The following KAZN variants were observed in gnomAD, a reference collection of about 807,000 sequenced individuals.
The protein encoded by KAZN is kazrin, periplakin interacting protein, also known as kazrin.
Under a neutral mutation model 87.4 loss-of-function variants are expected in KAZN, and 40 were observed. The observed-to-expected ratio is 0.46, with a 90% CI of 0.36 to 0.60. The LOEUF (loss-of-function observed/expected upper bound fraction) is 0.60. Among genes scored for constraint, KAZN ranks in the 20% least tolerant of loss-of-function variants. The pLI, the probability that KAZN is intolerant of heterozygous loss-of-function variation, is 0.00. For synonymous variants in KAZN, 466 were observed against 458.3 expected (o/e 1.02, Z -0.22); for missense variants, 898 against 1,073.9 (o/e 0.84, Z 2.29).
chr1:14,266,760 T>G (rs553601588), intron 2 of KAZN, among the ~76,000 whole-genome samples: 1 of 152,254 alleles, frequency 6.6e-6, no homozygotes, highest in East Asian at 1.9e-4. Context: ...TCACCTAACA[T>G]GCACATCTTT....
intron 2 of KAZN, among the ~76,000 whole-genome samples, chr1:14,303,537 C>T (rs1832533): frequency 0.17 from 25,892 of 152,178 alleles, 2,962 homozygotes; most frequent in Admixed American, 0.36. Flanking sequence ...GCCACTGCGC[C>T]CAGACGGGAA....
intron 2 of KAZN, among the ~76,000 whole-genome samples, chr1:14,461,480 G>A (rs897845434): frequency 6.6e-6 from 1 of 152,156 alleles, no homozygotes; most frequent in African/African-American, 2.4e-5. Flanking sequence ...TGATTGTGAA[G>A]CCTCCCCAGC....
At chr1:15,034,965 C>A in intron 3 of KAZN, 80 bp downstream of exon 3, 1 of 1,540,618 alleles carries the variant, frequency 6.5e-7, no homozygotes, top group Non-Finnish European at 8.9e-7. Flanking sequence ...CCTTCACAGG[C>A]TCTGCCTCTT....
At chr1:14,934,183 A>G (rs1660178359) in intron 1 of KAZN, among the ~76,000 whole-genome samples, 1 of 140,740 alleles carries the variant, frequency 7.1e-6, no homozygotes, top group Non-Finnish European at 1.5e-5. Context: ...AAGAGAAATG[A>G]TTGGGGTTTT....
intron 2 of KAZN, among the ~76,000 whole-genome samples, chr1:14,239,830 G>C (rs931141291): frequency 1.3e-4 from 19 of 151,936 alleles, no homozygotes; most frequent in Non-Finnish European, 2.9e-5. Context: ...AGACATTTTT[G>C]GTTGCCACAA....
chr1:14,337,682 T>C (rs1242365578), intron 2 of KAZN, among the ~76,000 whole-genome samples: 1 of 152,072 alleles, frequency 6.6e-6, no homozygotes, highest in Admixed American at 6.5e-5. Context: ...TCACCTGAGG[T>C]CAGGAGTTCG....
intron 1 of KAZN, among the ~76,000 whole-genome samples, chr1:14,633,186 G>A (rs541278957): frequency 6.6e-6 from 1 of 152,156 alleles, no homozygotes; most frequent in African/African-American, 2.4e-5. Context: ...CATAGTGCTG[G>A]GATTACAGGT....
intron 2 of KAZN, among the ~76,000 whole-genome samples, chr1:14,512,661 C>T (rs1293328497): frequency 1.3e-5 from 2 of 152,218 alleles, no homozygotes; most frequent in Non-Finnish European, 2.9e-5. Context: ...ACACAGTTCG[C>T]CGGGGTCACT....
At chr1:14,385,662 A>C (rs147176478) in intron 2 of KAZN, among the ~76,000 whole-genome samples, 7,276 of 151,988 alleles carry the variant, frequency 0.048, 290 homozygotes, top group Admixed American at 0.14. Context: ...GTTTGATTGC[A>C]CTGTGGTCTG....
chr1:14,164,454 TTGTG>T (rs59816103), intron 1 of KAZN, among the ~76,000 whole-genome samples: 35 of 144,728 alleles, frequency 2.4e-4, no homozygotes, highest in East Asian at 8.1e-4. Flanking sequence ...CACTATGGCT[TTGTG>T]TGTGTGTGTG....
At chr1:14,234,642 G>A (rs890909566) in intron 2 of KAZN, among the ~76,000 whole-genome samples, 1 of 152,148 alleles carries the variant, frequency 6.6e-6, no homozygotes, top group Non-Finnish European at 1.5e-5. Flanking sequence ...TGCAAGGTGT[G>A]GGGGTGGTGG....
Position 14,096,515 on chromosome 1 carries a change from G to T in KAZN, c.92-83920G>T, listed in dbSNP as rs1035597496. On this transcript the variant is annotated intron_variant, in intron 1 of 16. Coordinates refer to the KAZN transcript ENST00000636203. The stretch of plus-strand genomic sequence containing the variant: ...GCTTAAGTTTCTTGGAGGCATGATC[G>T]ACAATGATAGGTTCTGTAGTCAGAG... Among the ~76,000 whole-genome samples, 7 of 152,210 alleles carry T rather than the reference G, an allele frequency of 4.6e-5. No individual in the cohort carries two copies. The South Asian group carries it at 1.4e-3, about 32-fold the overall frequency.
At chr1:14,758,414 G>C (rs10754868) in intron 1 of KAZN, among the ~76,000 whole-genome samples, 94,630 of 151,500 alleles carry the variant, frequency 0.62, 30,255 homozygotes, top group African/African-American at 0.73. Context: ...CTCAAGTGAT[G>C]CTTCTACCTC....
chr1:13,921,616 C>T (rs1337705304), intron 1 of KAZN, among the ~76,000 whole-genome samples: 1 of 152,036 alleles, frequency 6.6e-6, no homozygotes. Flanking sequence ...TCCTGCCTTG[C>T]ACTATAGTTG....
At chr1:14,449,108 G>T (rs960229279) in intron 2 of KAZN, among the ~76,000 whole-genome samples, 12 of 152,334 alleles carry the variant, frequency 7.9e-5, no homozygotes, top group African/African-American at 2.9e-4. Context: ...ATTCAAATGA[G>T]CTTTAACCAA....
chr1:13,944,708 A>G (rs1022801879), intron 1 of KAZN, among the ~76,000 whole-genome samples: 1 of 152,194 alleles, frequency 6.6e-6, no homozygotes, highest in Admixed American at 6.5e-5. Flanking sequence ...CTCTATGGTA[A>G]CCACTAATAG....
At chr1:13,898,004 A>T (rs968663071) in intron 1 of KAZN, among the ~76,000 whole-genome samples, 1 of 152,198 alleles carries the variant, frequency 6.6e-6, no homozygotes, top group Non-Finnish European at 1.5e-5. Context: ...GGCAGGCATG[A>T]CCAATGGAGG....
rs148419844 is a variant in KAZN, at chr1:14,730,997, C to T, written c.226+131774C>T. Among the ~76,000 whole-genome samples the T allele has an allele frequency of 5.1e-3, 783 of 152,268 alleles. 6 individuals are homozygous for T. Among genetic ancestry groups the T allele is most frequent in the African/African-American group, 0.017 (697 of 41,554 alleles). ...CCCAGCAAGTGACATCCCTATTAGC[C>T]GGGGAGAAGGCCCTGGCTATTGTTC... On this transcript the variant is annotated intron_variant, in intron 1 of 14. Coordinates refer to ENST00000376030, the MANE Select transcript of KAZN (RefSeq NM_201628.3).
intron 1 of KAZN, among the ~76,000 whole-genome samples, chr1:14,944,976 C>T (rs1456273255): frequency 2.0e-5 from 3 of 152,184 alleles, no homozygotes; most frequent in African/African-American, 7.2e-5. Context: ...GTGGCCCTGC[C>T]ACACATTCAG....
Sources: allele counts gnomAD v4.1 joint callset (sites outside exome capture counted in the v4.1 genomes callset), GRCh38; gene constraint gnomAD v4.1.1; transcripts MANE v1.5; gene names NCBI Gene and HGNC (gene_info 2026-07-23, HGNC 2026-07-21).